SH3D19: variants seen among roughly 807,000 people sequenced by gnomAD.
SH3D19 encodes the protein SH3 domain containing 19, also known as SH3 domain-containing protein 19.
A neutral mutation model predicts 112.1 loss-of-function variants in SH3D19; 58 were observed. The observed-to-expected ratio is 0.52, with a 90% CI of 0.42 to 0.64. The LOEUF (loss-of-function observed/expected upper bound fraction) is 0.64. SH3D19 is among the 30% of genes least tolerant of loss of function. The pLI, the probability that SH3D19 is intolerant of heterozygous loss-of-function variation, is 0.00. For missense variants in SH3D19, 1,090 were observed against 1,263.4 expected (o/e 0.86, Z 2.08); for synonymous variants, 391 against 448.5 (o/e 0.87, Z 1.62).
At chr4:151,281,832 A>T (rs1360870289) in intron 1 of SH3D19, among the ~76,000 whole-genome samples, 1 of 152,152 alleles carries the variant, frequency 6.6e-6, no homozygotes, top group Non-Finnish European at 1.5e-5. Flanking sequence ...ATAAACAGCA[A>T]TGTCTATTAA....
chr4:151,307,027 T>C (rs1728982045), intron 1 of SH3D19, among the ~76,000 whole-genome samples: 1 of 150,382 alleles, frequency 6.6e-6, no homozygotes, highest in Middle Eastern at 3.2e-3. Flanking sequence ...CTTTTTTTTT[T>C]TTTTTTTTTG....
At chr4:151,153,219 T>A (rs1755406926) in intron 9 of SH3D19, among the ~76,000 whole-genome samples, 1 of 152,130 alleles carries the variant, frequency 6.6e-6, no homozygotes, top group Non-Finnish European at 1.5e-5. Context: ...ATATGTTTCT[T>A]ATCTTTTTTC....
chr4:151,239,269 T>C (rs1262399032), intron 1 of SH3D19, among the ~76,000 whole-genome samples: 2 of 152,188 alleles, frequency 1.3e-5, no homozygotes, highest in Non-Finnish European at 2.9e-5. Flanking sequence ...ACAGAGCCTT[T>C]ATATCCCTTG....
chr4:151,241,352 C>G (rs1770541907), intron 1 of SH3D19, among the ~76,000 whole-genome samples: 1 of 151,826 alleles, frequency 6.6e-6, no homozygotes, highest in Admixed American at 6.6e-5. Context: ...GACCACATGT[C>G]ACATAATTTC....
intron 1 of SH3D19, among the ~76,000 whole-genome samples, chr4:151,250,152 T>C (rs897069128): frequency 3.9e-5 from 6 of 152,244 alleles, no homozygotes; most frequent in African/African-American, 9.6e-5. Flanking sequence ...CATCAAACAA[T>C]TGCACAAGTA....
chr4:151,189,414 A>C lies in SH3D19; in HGVS notation c.153-1951T>G, dbSNP rs569333624. Among the ~76,000 whole-genome samples the C allele has an allele frequency of 2.6e-5, 4 of 151,952 alleles. No individual in the cohort carries two copies. The South Asian group carries it at 8.3e-4, about 32-fold the overall frequency. On this transcript the variant is annotated intron_variant, in intron 2 of 19. Coordinates refer to ENST00000604030, the MANE Select transcript of SH3D19 (RefSeq NM_001378122.1). ...AGGTGTGAGCCACCATGCCCGGCCA[A>C]GTTTCTGTTGTTTTAAGTCACTCAG...
intron 1 of SH3D19, among the ~76,000 whole-genome samples, chr4:151,320,990 G>A (rs1730475974): frequency 1.3e-5 from 2 of 152,058 alleles, no homozygotes; most frequent in Non-Finnish European, 2.9e-5. Flanking sequence ...GCAGTGTGCT[G>A]AGATTACACC....
chr4:151,127,675 C>T lies in SH3D19; in HGVS notation c.2970G>A (p.Arg990=). The T allele has an allele frequency of 6.2e-7, 1 of 1,605,900 alleles. No homozygotes were observed. The highest frequency in any genetic ancestry group is 8.5e-7 in the Non-Finnish European group (1 of 1,177,378). ...KSMLAIVPKG[R]KAKALYDFRG... Reference sequence around the variant, plus strand: ...GGAAATCATATAAGGCTTTGGCCTTCCTCCCCTTCGGTACTATGGCCAACA... The same window carrying T: ...GGAAATCATATAAGGCTTTGGCCTTTCTCCCCTTCGGTACTATGGCCAACA... The change falls in exon 19 of 20, where the codon AGG becomes AGA. Residue 990 remains arginine, a synonymous_variant. Transcript: ENST00000604030.
intron 8 of SH3D19, among the ~76,000 whole-genome samples, chr4:151,161,841 T>C (rs887383682): frequency 2.7e-5 from 4 of 150,558 alleles, no homozygotes; most frequent in African/African-American, 9.7e-5. Flanking sequence ...CTCGGCTCAC[T>C]GCAACGTCTG....
chr4:151,156,026 C>G (rs1482597535), intron 9 of SH3D19, among the ~76,000 whole-genome samples: 1 of 151,910 alleles, frequency 6.6e-6, no homozygotes, highest in East Asian at 1.9e-4. Context: ...CTATACATGA[C>G]AAAGAACTAG....
chr4:151,231,061 A>C (rs954422465), intron 1 of SH3D19, among the ~76,000 whole-genome samples: 5 of 152,192 alleles, frequency 3.3e-5, no homozygotes, highest in Admixed American at 2.6e-4. Flanking sequence ...TGCCATTCAG[A>C]ATTACCTAAA....
At chr4:151,231,330 G>C (rs540958101) in intron 1 of SH3D19, among the ~76,000 whole-genome samples, 7 of 152,080 alleles carry the variant, frequency 4.6e-5, no homozygotes, top group Non-Finnish European at 7.4e-5. Flanking sequence ...CCTATATTTA[G>C]AGAGAGAAAA....
intron 1 of SH3D19, among the ~76,000 whole-genome samples, chr4:151,237,002 A>G (rs6847669): frequency 0.79 from 120,707 of 152,184 alleles, 50,090 homozygotes; most frequent in Non-Finnish European, 0.93. Flanking sequence ...CAACATGCTG[A>G]AGTCCCCTTC....
rs572497784 is a variant in SH3D19 at position 151,249,975 on chromosome 4, A to G, written c.113-23889T>C. ...AATATTTTCTCCTGATGGTCCCATCAAACTGGCCAAAATGTAGGGACTGGG... is the reference window on the plus strand; with the variant it reads ...AATATTTTCTCCTGATGGTCCCATCGAACTGGCCAAAATGTAGGGACTGGG... On this transcript the variant is annotated intron_variant, in intron 1 of 19. Transcript: ENST00000604030. Among the ~76,000 whole-genome samples, 126 of 152,344 alleles carry G rather than the reference A, an allele frequency of 8.3e-4. 1 individual carries two copies. Among genetic ancestry groups the G allele is most frequent in the Admixed American group, 9.2e-4 (14 of 15,300 alleles).
chr4:151,218,523 C>T (rs1767503545), intron 2 of SH3D19, among the ~76,000 whole-genome samples: 1 of 151,974 alleles, frequency 6.6e-6, no homozygotes, highest in East Asian at 1.9e-4. Context: ...AGCAATCCTC[C>T]CACCGTAGCC....
chr4:151,235,776 ACT>A (rs144857627), intron 1 of SH3D19, among the ~76,000 whole-genome samples: 7,614 of 152,132 alleles, frequency 0.05, 290 homozygotes, highest in East Asian at 0.19. Flanking sequence ...AAAGAGCAAG[ACT>A]CTGTCTCAAA....
In SH3D19 at chr4:151,234,029, G is replaced by T. The variant is rs141170009; in HGVS notation, c.113-7943C>A. On this transcript the variant is annotated intron_variant, in intron 1 of 19. Transcript: ENST00000604030. The stretch of plus-strand genomic sequence containing the variant: ...GATATATCTAATATTGCTGCAAAAT[G>T]ATGTGTCTTAAGAATTCCCATACTT... Among the ~76,000 whole-genome samples the T allele has an allele frequency of 2.6e-3, 392 of 152,270 alleles. 1 individual carries two copies. The highest frequency in any genetic ancestry group is 0.014 in the Middle Eastern group (4 of 294).
At chr4:151,277,713 T>C (rs984637220) in intron 1 of SH3D19, among the ~76,000 whole-genome samples, 1 of 152,074 alleles carries the variant, frequency 6.6e-6, no homozygotes, top group East Asian at 1.9e-4. Flanking sequence ...TATATGCTTG[T>C]TCATTTATTT....
chr4:151,152,971 G>A lies in SH3D19; in HGVS notation c.1756-3410C>T, dbSNP rs191823542. Among the ~76,000 whole-genome samples, 410 of 151,932 alleles carry A rather than the reference G, an allele frequency of 2.7e-3. 1 individual carries two copies. The highest frequency in any genetic ancestry group is 4.5e-3 in the Non-Finnish European group (303 of 67,992). On this transcript the variant is annotated intron_variant, in intron 9 of 19. Coordinates refer to ENST00000604030, the MANE Select transcript of SH3D19 (RefSeq NM_001378122.1). ...TTGCCTCAGCCTCTTGAGTAGCTGG[G>A]ATTACAGGCACGTGCCACCACACCC...
Sources: gnomAD v4.1 joint callset for allele counts (sites outside exome capture counted in the v4.1 genomes callset) on GRCh38, gnomAD v4.1.1 for gene constraint, MANE v1.5 for transcripts, NCBI Gene and HGNC (gene_info 2026-07-23, HGNC 2026-07-21) for gene names.